The following SIX2 variants were observed in gnomAD, a reference collection of about 807,000 sequenced individuals.
SIX2 encodes SIX homeobox 2, also known as homeobox protein SIX2.
A neutral mutation model predicts 22.8 loss-of-function variants in SIX2; 20 were observed. The observed-to-expected ratio is 0.88, with a 90% CI of 0.62 to 1.28. The LOEUF is 1.28. SIX2 is among the 50% of genes most tolerant of loss of function. The probability of loss-of-function intolerance (pLI) is 0.00; values close to 1 mark genes in which losing one functional copy is unlikely to be tolerated. For missense variants in SIX2, 360 were observed against 400.0 expected (o/e 0.90, Z 0.85); for synonymous variants, 195 against 186.4 (o/e 1.05, Z -0.37).
In SIX2 at chr2:45,005,790, G is replaced by A; in HGVS notation, c.*380C>T. 2.8e-6 allele frequency: 1 copy of A among 362,106 alleles called. No homozygotes were observed. The highest frequency in any genetic ancestry group is 2.6e-5 in the South Asian group (1 of 39,156). The allele number at this position is 362,106 out of a possible 1,614,324, so 22.4% of individuals were successfully genotyped here. ...ATCTAGAAGGAAAGCAATACAAGGA[G>A]AGGGAGAAAGACAGAAAGCAGAAAA... On this transcript the variant is annotated 3_prime_UTR_variant, in exon 2 of 2. Transcript: ENST00000303077.
At position 45,006,387 on chromosome 2, in the gene SIX2, C is replaced by A. The variant is rs368309754; in HGVS notation, c.659G>T (p.Gly220Val). The A allele has an allele frequency of 8.0e-5, 129 of 1,614,088 alleles. No homozygotes were observed. The highest frequency in any genetic ancestry group is 9.7e-5 in the Non-Finnish European group (115 of 1,180,044). ...GCTGGATGATGAGTGGTCTGGCGTC[C>A]CCGATGGAGTCTTCTCATCCTCCGA... Reference protein sequence around the residue: ...GSSEDEKTPSGTPDHSSSSPA... With the variant: ...GSSEDEKTPSVTPDHSSSSPA... The change falls in exon 2 of 2, where the codon GGG (glycine) becomes GTG (valine). Residue 220 changes from glycine (G) to valine (V), a missense_variant. Gly to Val is a moderately radical substitution (Grantham distance 109, BLOSUM62 -3). This residue lies in a region of SIX2 where 235 missense variants were observed against 231.9 expected (regional missense o/e 1.01). Coordinates refer to ENST00000303077, the MANE Select transcript of SIX2 (RefSeq NM_016932.5). The surrounding 1 kb of genome is among the most constrained non-coding windows in gnomAD (Gnocchi z 4.2).
At chr2:45,007,166 G>C (rs1472516315) in intron 1 of SIX2, among the ~76,000 whole-genome samples, 1 of 152,212 alleles carries the variant, frequency 6.6e-6, no homozygotes, top group South Asian at 2.1e-4. Flanking sequence ...CGTCAGCTCG[G>C]AGACCAGAAG....
chr2:45,008,625 G>A lies in SIX2; in HGVS notation c.486C>T (p.Gly162=), dbSNP rs1162921750. 1.2e-6 allele frequency: 2 copies of A among 1,613,936 alleles called. No homozygotes were observed. The highest frequency in any genetic ancestry group is 2.2e-5 in the East Asian group (1 of 44,892). The change falls in exon 1 of 2, where the codon GGC becomes GGT. Residue 162 remains glycine, a synonymous_variant. Coordinates refer to ENST00000303077, the MANE Select transcript of SIX2 (RefSeq NM_016932.5). ...AGTTGCTGACCTGTGTGGTGGTGAG[G>A]CCCGTGGCCTCCGCCAGCTCACGCT... ...REKRELAEAT[G]LTTTQVSNWF...
intron 1 of SIX2, among the ~76,000 whole-genome samples, chr2:45,007,151 G>A (rs574748438): frequency 6.6e-6 from 1 of 152,316 alleles, no homozygotes; most frequent in African/African-American, 2.4e-5. Context: ...GTGGTACAGT[G>A]AAAACGTCAG....
Position 45,009,142 on chromosome 2 carries a change from C to T in SIX2, c.-32G>A. The T allele has an allele frequency of 6.6e-7, 1 of 1,507,280 alleles. No homozygotes were observed. The highest frequency in any genetic ancestry group is 2.5e-5 in the East Asian group (1 of 40,392). 93.4% of individuals were successfully genotyped at this position (1,507,280 alleles called of 1,614,324 possible). A position where few individuals can be genotyped will look rare whatever the true frequency, so the allele number is the denominator to read the frequency against. ...GGCTGCGTCCCCGCCCGCCCGCGCG[C>T]GCCCTCACCGGGCCGCGCGGTCCCG... On this transcript the variant is annotated 5_prime_UTR_variant, in exon 1 of 2. Coordinates refer to ENST00000303077, the MANE Select transcript of SIX2 (RefSeq NM_016932.5).
In SIX2 at chr2:45,006,045, A is replaced by T; in HGVS notation, c.*125T>A. ...GCTATCTGCCCTACCCGGCTGTTCT[A>T]CCCGCTCAGCCTGCGGGTCTTTCAG... On this transcript the variant is annotated 3_prime_UTR_variant, in exon 2 of 2. Transcript: ENST00000303077. The surrounding 1 kb of genome is among the most constrained non-coding windows in gnomAD (Gnocchi z 4.2). 9.9e-7 allele frequency: 1 copy of T among 1,014,882 alleles called. No individual in the cohort carries two copies. The highest frequency in any genetic ancestry group is 1.6e-6 in the Non-Finnish European group (1 of 635,136). 62.9% of individuals were successfully genotyped at this position (1,014,882 alleles called of 1,614,324 possible).
rs1196224151 is a variant in SIX2, at chr2:45,009,203, A to G, written c.-93T>C. 2 of 1,126,324 alleles carry G rather than the reference A, an allele frequency of 1.8e-6. No individual in the cohort carries two copies. Among genetic ancestry groups the G allele is most frequent in the Non-Finnish European group, 2.3e-6 (2 of 884,260 alleles). The allele number at this position is 1,126,324 out of a possible 1,614,324, so 69.8% of individuals were successfully genotyped here. A position where few individuals can be genotyped will look rare whatever the true frequency, so the allele number is the denominator to read the frequency against. ...TCCTCGCCGGGCCGTCCGGGCCGAGACGCGGGCGGGGCTGGCCCCCTGGCC... is the reference window on the plus strand; with the variant it reads ...TCCTCGCCGGGCCGTCCGGGCCGAGGCGCGGGCGGGGCTGGCCCCCTGGCC... On this transcript the variant is annotated 5_prime_UTR_variant, in exon 1 of 2. Coordinates refer to ENST00000303077, the MANE Select transcript of SIX2 (RefSeq NM_016932.5).
chr2:45,008,799 G>A lies in SIX2; in HGVS notation c.312C>T (p.Gly104=), dbSNP rs1387079577. The change falls in exon 1 of 2, where the codon GGC becomes GGT. Residue 104 remains glycine, a synonymous_variant. Transcript: ENST00000303077. ...EAEKLRGRPL[G]AVGKYRVRRK... ...GGCGCACGCGGTATTTGCCCACGGC[G>A]CCCAGGGGTCGGCCGCGCAGCTTCT... The A allele has an allele frequency of 6.2e-7, 1 of 1,613,718 alleles. No homozygotes were observed. Among genetic ancestry groups the A allele is most frequent in the African/African-American group, 1.3e-5 (1 of 74,952 alleles).
In SIX2 at chr2:45,009,009, C is replaced by A. The variant is rs780266512; in HGVS notation, c.102G>T (p.Leu34=). Residue 34 remains leucine, a synonymous_variant, in exon 1 of 2, where the codon CTG becomes CTT. Coordinates refer to ENST00000303077, the MANE Select transcript of SIX2 (RefSeq NM_016932.5). ...GGTGCTCGCAGGCGGGCAGCGACCA[C>A]AGGAAGCGGCCCAGCCGCTCGATGT... ...GGNIERLGRF[L]WSLPACEHLH... 3 of 1,611,370 alleles carry A rather than the reference C, an allele frequency of 1.9e-6. No homozygotes were observed. Among genetic ancestry groups the A allele is most frequent in the Non-Finnish European group, 2.5e-6 (3 of 1,179,818 alleles).
intron 1 of SIX2, among the ~76,000 whole-genome samples, chr2:45,008,242 C>T (rs142876412): frequency 3.9e-5 from 6 of 152,286 alleles, no homozygotes. Context: ...GTGCCTGCCT[C>T]ACAGGGGATA....
intron 1 of SIX2, among the ~76,000 whole-genome samples, chr2:45,007,552 A>C (rs371789257): frequency 2.0e-5 from 3 of 151,376 alleles, no homozygotes; most frequent in African/African-American, 7.3e-5. Flanking sequence ...AGCCTGCAGC[A>C]CTCCCCCTAA....
At chr2:45,008,245 A>C (rs370517292) in intron 1 of SIX2, among the ~76,000 whole-genome samples, 1 of 152,268 alleles carries the variant, frequency 6.6e-6, no homozygotes, top group Non-Finnish European at 1.5e-5. Flanking sequence ...CCTGCCTCAC[A>C]GGGGATACAG....
Position 45,008,889 on chromosome 2 carries a change from C to T in SIX2, c.222G>A (p.Gln74=), listed in dbSNP as rs1415307802. Residue 74 remains glutamine (Q), a synonymous_variant, in exon 1 of 2, where the codon CAG becomes CAA. Transcript: ENST00000303077. ...GCTTGGCGTGGTTGTGCGGCGAGAACTGGTGGCTCTCCAGGATCTTGTAGA... is the reference window on the plus strand; with the variant it reads ...GCTTGGCGTGGTTGTGCGGCGAGAATTGGTGGCTCTCCAGGATCTTGTAGA... ...RELYKILESH[Q]FSPHNHAKLQ... 2 of 1,614,052 alleles carry T rather than the reference C, an allele frequency of 1.2e-6. No individual in the cohort carries two copies. The highest frequency in any genetic ancestry group is 3.3e-5 in the Admixed American group (2 of 60,030).
In SIX2 at chr2:45,009,173, G is replaced by T; in HGVS notation, c.-63C>A. 5.1e-6 allele frequency: 7 copies of T among 1,366,202 alleles called. No individual in the cohort carries two copies. In the South Asian group the frequency reaches 8.4e-5, roughly 16 times the overall value. The allele number at this position is 1,366,202 out of a possible 1,614,324, so 84.6% of individuals were successfully genotyped here. A position where few individuals can be genotyped will look rare whatever the true frequency, so the allele number is the denominator to read the frequency against. ...CACCGGGCCGCGCGGTCCCGCATGG[G>T]AGCTTCCTCGCCGGGCCGTCCGGGC... On this transcript the variant is annotated 5_prime_UTR_variant, in exon 1 of 2. Transcript: ENST00000303077.
In SIX2 at chr2:45,008,157, C is replaced by T. The variant is rs111604503; in HGVS notation, c.560+394G>A. Reference sequence around the variant, plus strand: ...GGCTGGGGGGAAATGCCGGGAAGCACCACCAGCAAGAAATCTGCAAATCCC... The same window carrying T: ...GGCTGGGGGGAAATGCCGGGAAGCATCACCAGCAAGAAATCTGCAAATCCC... On this transcript the variant is annotated intron_variant, in intron 1 of 1. Transcript: ENST00000303077. Among the ~76,000 whole-genome samples the T allele has an allele frequency of 3.0e-3, 463 of 152,358 alleles. 3 individuals carry two copies. The highest frequency in any genetic ancestry group is 0.017 in the Middle Eastern group (5 of 294).
rs1273600779 is a variant in SIX2 at position 45,006,095 on chromosome 2, G to C, written c.*75C>G. 2 of 1,509,290 alleles carry C rather than the reference G, an allele frequency of 1.3e-6. No homozygotes were observed. The highest frequency in any genetic ancestry group is 2.3e-5 in the East Asian group (1 of 44,372). The allele number at this position is 1,509,290 out of a possible 1,614,324, so 93.5% of individuals were successfully genotyped here. A position where few individuals can be genotyped will look rare whatever the true frequency, so the allele number is the denominator to read the frequency against. On this transcript the variant is annotated 3_prime_UTR_variant, in exon 2 of 2. Transcript: ENST00000303077. This position sits in a 1 kb window ranked among gnomAD's most constrained non-coding sequence, Gnocchi z 4.2. ...GTACCTGGTGGGGCCGCAGGGGCGG[G>C]GCGCCCCTGGACACCGCCACTCCAC...
At position 45,008,820 on chromosome 2, in the gene SIX2, C is replaced by T. The variant is rs956734375; in HGVS notation, c.291G>A (p.Lys97=). ...CGGCGCCCAGGGGTCGGCCGCGCAG[C>T]TTCTCCGCCTCGATGTAGTGTGCCT... The part of the protein sequence containing the change: ...WLKAHYIEAE[K]LRGRPLGAVG... Residue 97 remains lysine, a synonymous_variant, in exon 1 of 2, where the codon AAG becomes AAA. Coordinates refer to ENST00000303077, the MANE Select transcript of SIX2 (RefSeq NM_016932.5). 6.2e-7 allele frequency: 1 copy of T among 1,613,942 alleles called. No individual in the cohort carries two copies. The highest frequency in any genetic ancestry group is 1.3e-5 in the African/African-American group (1 of 75,070).
rs768843368 is a variant in SIX2 at position 45,008,919 on chromosome 2, G to A, written c.192C>T (p.Arg64=). ...AVVAFHRGNF[R]ELYKILESHQ... Reference sequence around the variant, plus strand: ...GGCTCTCCAGGATCTTGTAGAGCTCGCGGAAGTTGCCGCGGTGGAAGGCCA... The same window carrying A: ...GGCTCTCCAGGATCTTGTAGAGCTCACGGAAGTTGCCGCGGTGGAAGGCCA... Residue 64 remains arginine (R), a synonymous_variant, in exon 1 of 2, where the codon CGC becomes CGT. Transcript: ENST00000303077. The A allele has an allele frequency of 6.2e-7, 1 of 1,613,952 alleles. No individual in the cohort carries two copies. Among genetic ancestry groups the A allele is most frequent in the East Asian group, 2.2e-5 (1 of 44,874 alleles).
Position 45,005,741 on chromosome 2 carries a change from A to G in SIX2, c.*429T>C, listed in dbSNP as rs1001124272. On this transcript the variant is annotated 3_prime_UTR_variant, in exon 2 of 2. Transcript: ENST00000303077. Reference sequence around the variant, plus strand: ...GAGAGAAAGGGAGAGACAGAAGGAGAGAATGAACGGTGGCAAGCTAGAAAT... The same window carrying G: ...GAGAGAAAGGGAGAGACAGAAGGAGGGAATGAACGGTGGCAAGCTAGAAAT... 2 of 317,378 alleles carry G rather than the reference A, an allele frequency of 6.3e-6. No individual in the cohort carries two copies. The highest frequency in any genetic ancestry group is 4.3e-5 in the African/African-American group (2 of 46,346). 19.7% of individuals were successfully genotyped at this position (317,378 alleles called of 1,614,324 possible).
Sources: gnomAD v4.1 joint callset for allele counts (sites outside exome capture counted in the v4.1 genomes callset) on GRCh38, gnomAD v4.1.1 for gene constraint, gnomAD v4.1.1 regional missense constraint, Gnocchi (gnomAD v3.1) non-coding constraint, MANE v1.5 for transcripts, NCBI Gene and HGNC (gene_info 2026-07-23, HGNC 2026-07-21) for gene names.